The following ASAP1 variants were observed in gnomAD, a reference collection of about 807,000 sequenced individuals.
The protein encoded by ASAP1 is arf-GAP with SH3 domain, ANK repeat and PH domain-containing protein 1.
ASAP1 carries 43 observed loss-of-function variants against 145.2 expected under a neutral mutation model. That is an observed-to-expected ratio of 0.30 (90% CI 0.23 to 0.38). The LOEUF is 0.38. Among genes scored for constraint, ASAP1 ranks in the 10% least tolerant of loss-of-function variants. ASAP1 has a pLI of 1.00. For synonymous variants in ASAP1, 546 were observed against 515.5 expected, an observed-to-expected ratio of 1.06 and a Z score of -0.80; for missense variants, 1,018 against 1,355.3, an observed-to-expected ratio of 0.75 and a Z score of 3.91.
chr8:130,245,484 T>C (rs1385721167), intron 3 of ASAP1, among the ~76,000 whole-genome samples: 1 of 152,154 alleles, frequency 6.6e-6, no homozygotes, highest in Admixed American at 6.6e-5. Flanking sequence ...TTCAGATCCT[T>C]GGCAAAAATT....
chr8:130,164,812 C>A lies in ASAP1; in HGVS notation c.909+2724G>T, dbSNP rs558364468. 2.2e-4 allele frequency among the ~76,000 whole-genome samples: 34 copies of A among 152,094 alleles called. 1 individual carries two copies. The highest frequency in any genetic ancestry group is 2.2e-3 in the Admixed American group (34 of 15,262). Reference sequence around the variant, plus strand: ...CCTTTAATGGAGCCAAGTTAGAACCCGGTGGGGATGAGTAGGCTAAATGAT... The same window carrying A: ...CCTTTAATGGAGCCAAGTTAGAACCAGGTGGGGATGAGTAGGCTAAATGAT... On this transcript the variant is annotated intron_variant, in intron 11 of 29. Transcript: ENST00000518721.
chr8:130,134,316 T>C lies in ASAP1; in HGVS notation c.1197A>G (p.Glu399=). The C allele has an allele frequency of 6.3e-7, 1 of 1,588,330 alleles. No homozygotes were observed. The highest frequency in any genetic ancestry group is 8.6e-7 in the Non-Finnish European group (1 of 1,167,658). ...CTTACGCTACATAATCCTGCTCATC[T>C]TCTGCCTGAAAGTGATATGTTCTAT... ...SHNRTYHFQA[E]DEQDYVAWIS... Residue 399 remains glutamate, a synonymous_variant, in exon 15 of 30, where the codon GAA becomes GAG. Transcript: ENST00000518721.
chr8:130,106,349 A>C (rs2097536836), intron 24 of ASAP1, among the ~76,000 whole-genome samples: 2 of 152,218 alleles, frequency 1.3e-5, no homozygotes, highest in South Asian at 4.1e-4. Context: ...ACTGATAGGA[A>C]AATATTTCCC....
At chr8:130,079,407 T>C (rs2097473352) in intron 26 of ASAP1, among the ~76,000 whole-genome samples, 1 of 151,980 alleles carries the variant, frequency 6.6e-6, no homozygotes. Flanking sequence ...AAAAGAACAC[T>C]GCTGTCAGCC....
At chr8:130,090,950 A>T (rs1368917449) in intron 25 of ASAP1, among the ~76,000 whole-genome samples, 1 of 152,220 alleles carries the variant, frequency 6.6e-6, no homozygotes, top group Admixed American at 6.5e-5. Flanking sequence ...CACACAAACT[A>T]ACAAATTTAT....
At chr8:130,110,146 A>G (rs977201547) in intron 24 of ASAP1, among the ~76,000 whole-genome samples, 1 of 152,220 alleles carries the variant, frequency 6.6e-6, no homozygotes, top group Non-Finnish European at 1.5e-5. Context: ...ACAAAGTCAG[A>G]CAGTATATAT....
intron 27 of ASAP1, among the ~76,000 whole-genome samples, chr8:130,067,480 C>T (rs949274496): frequency 6.6e-6 from 1 of 152,196 alleles, no homozygotes; most frequent in African/African-American, 2.4e-5. Context: ...ACTACTACCT[C>T]GACCTCTTGG....
At chr8:130,193,473 C>T (rs977654400) in intron 5 of ASAP1, among the ~76,000 whole-genome samples, 7 of 152,018 alleles carry the variant, frequency 4.6e-5, no homozygotes, top group African/African-American at 1.7e-4. Context: ...CCAATTTCCT[C>T]CAGGGTTGGA....
intron 3 of ASAP1, among the ~76,000 whole-genome samples, chr8:130,350,111 C>T (rs147259115): frequency 4.6e-5 from 7 of 152,330 alleles, no homozygotes; most frequent in East Asian, 3.9e-4. Flanking sequence ...AAAGCTACTG[C>T]GGCCTCGCAC....
At chr8:130,167,000 G>C (rs1256888688) in intron 11 of ASAP1, among the ~76,000 whole-genome samples, 1 of 152,138 alleles carries the variant, frequency 6.6e-6, no homozygotes, top group Non-Finnish European at 1.5e-5. Flanking sequence ...TCAAAACTAG[G>C]ATTGAAAATC....
intron 3 of ASAP1, among the ~76,000 whole-genome samples, chr8:130,338,681 T>A (rs890767376): frequency 8.5e-5 from 13 of 152,190 alleles, no homozygotes; most frequent in Non-Finnish European, 1.9e-4. Context: ...TCCGGTTCCA[T>A]CACCTTCAAA....
At chr8:130,222,376 C>T (rs1374526712) in intron 4 of ASAP1, among the ~76,000 whole-genome samples, 1 of 152,200 alleles carries the variant, frequency 6.6e-6, no homozygotes, top group African/African-American at 2.4e-5. Context: ...TTATTAAGCA[C>T]TGACTAAGTA....
intron 3 of ASAP1, among the ~76,000 whole-genome samples, chr8:130,279,545 AGC>A (rs1821130947): frequency 6.6e-6 from 1 of 152,224 alleles, no homozygotes. Flanking sequence ...TTTTGAAACA[AGC>A]GCAGGGTTCA....
intron 5 of ASAP1, among the ~76,000 whole-genome samples, chr8:130,199,162 T>C (rs145466251): frequency 5.9e-5 from 9 of 152,366 alleles, no homozygotes; most frequent in African/African-American, 1.9e-4. Flanking sequence ...TACTGCACTT[T>C]ACAATTATCC....
chr8:130,208,132 T>C (rs1312527884), intron 5 of ASAP1, among the ~76,000 whole-genome samples: 3 of 152,218 alleles, frequency 2.0e-5, no homozygotes, highest in African/African-American at 7.2e-5. Context: ...GTAAAACTAG[T>C]AGAGAGGTCC....
intron 3 of ASAP1, among the ~76,000 whole-genome samples, chr8:130,284,696 C>G (rs1024259131): frequency 2.0e-5 from 3 of 151,956 alleles, no homozygotes; most frequent in African/African-American, 4.8e-5. Context: ...TTTAGCAATG[C>G]AGCTGTTAAG....
chr8:130,321,070 T>G (rs1823974594), intron 3 of ASAP1, among the ~76,000 whole-genome samples: 1 of 152,180 alleles, frequency 6.6e-6, no homozygotes, highest in Non-Finnish European at 1.5e-5. Context: ...ATTTTGAAAT[T>G]TTGTGATTCC....
intron 12 of ASAP1, among the ~76,000 whole-genome samples, chr8:130,154,520 G>A (rs1262351192): frequency 2.0e-5 from 3 of 152,208 alleles, no homozygotes; most frequent in Non-Finnish European, 4.4e-5. Context: ...TAGGCTGGAA[G>A]TAAGTTTTGA....
chr8:130,176,278 A>G (rs1206312031), intron 9 of ASAP1, among the ~76,000 whole-genome samples: 3 of 152,198 alleles, frequency 2.0e-5, no homozygotes, highest in Non-Finnish European at 2.9e-5. Flanking sequence ...AATCTTAAAA[A>G]CAAAACAAAA....
Sources: gnomAD v4.1 joint callset for allele counts (sites outside exome capture counted in the v4.1 genomes callset) on GRCh38, gnomAD v4.1.1 for gene constraint, MANE v1.5 for transcripts, NCBI Gene and HGNC (gene_info 2026-07-23, HGNC 2026-07-21) for gene names.